The following CD33 variants were observed in gnomAD, a reference collection of about 807,000 sequenced individuals.
The protein encoded by CD33 is CD33 molecule.
A neutral mutation model predicts 31.4 loss-of-function variants in CD33; 25 were observed. The ratio of observed to expected loss-of-function variants is 0.80; its 90% CI spans 0.58 to 1.11. The LOEUF (loss-of-function observed/expected upper bound fraction) is 1.11, where lower values mean the gene tolerates loss of function less well. Among genes scored for constraint, CD33 ranks in the 50% most tolerant of loss-of-function variants. The pLI is 0.00. For missense variants in CD33, 407 were observed against 448.1 expected, an observed-to-expected ratio of 0.91 and a Z score of 0.83; for synonymous variants, 176 against 180.6, an observed-to-expected ratio of 0.97 and a Z score of 0.20.
chr19:51,235,924 C>T (rs1385264595), intron 6 of CD33: 17 of 700,016 alleles, frequency 2.4e-5, no homozygotes, highest in Non-Finnish European at 4.4e-5. Flanking sequence ...CTTTGGAGGC[C>T]AAGGCGGGCG....
In CD33 at chr19:51,239,709, G is replaced by A; in HGVS notation, c.*21G>A. On this transcript the variant is annotated 3_prime_UTR_variant, in exon 7 of 7. Coordinates refer to ENST00000262262, the MANE Select transcript of CD33 (RefSeq NM_001772.4). Reference sequence around the variant, plus strand: ...AGTGAGGAACCCACAAGAGCATCAGGCTCAGCTAGAAGATCCACATCCTCT... The same window carrying A: ...AGTGAGGAACCCACAAGAGCATCAGACTCAGCTAGAAGATCCACATCCTCT... 3 of 1,593,108 alleles carry A rather than the reference G, an allele frequency of 1.9e-6. No individual in the cohort carries two copies. Among genetic ancestry groups the A allele is most frequent in the Middle Eastern group, 2.2e-4 (1 of 4,546 alleles).
the CD33 span, among the ~76,000 whole-genome samples, chr19:51,217,442 C>T: frequency 0.023 from 3,466 of 151,046 alleles, 43 homozygotes; most frequent in African/African-American, 0.037. Flanking sequence ...GACGGAGTCA[C>T]TCTGTTGCCC....
chr19:51,216,308 T>A, the CD33 span, among the ~76,000 whole-genome samples: 1 of 151,458 alleles, frequency 6.6e-6, no homozygotes, highest in Non-Finnish European at 1.5e-5. Flanking sequence ...ATTTATTCAT[T>A]AATCTATAGA....
chr19:51,213,217 T>C, the CD33 span, among the ~76,000 whole-genome samples: 1 of 152,224 alleles, frequency 6.6e-6, no homozygotes, highest in Non-Finnish European at 1.5e-5. Context: ...CAGGTGACAA[T>C]TGTTGTGTCC....
At chr19:51,220,343 T>C (rs1334027363), upstream of CD33, among the ~76,000 whole-genome samples, 1 of 152,248 alleles carries the variant, frequency 6.6e-6, no homozygotes, top group Non-Finnish European at 1.5e-5. Flanking sequence ...GCTAGAAATT[T>C]GAAATCAGTA....
At chr19:51,216,290 G>A in the CD33 span, among the ~76,000 whole-genome samples, 1 of 150,288 alleles carries the variant, frequency 6.7e-6, no homozygotes, top group Non-Finnish European at 1.5e-5. Context: ...ATTGAGGGAA[G>A]GAGTGACATT....
chr19:51,238,388 C>T (rs1863737489), intron 6 of CD33: 1 of 152,112 alleles, frequency 6.6e-6, no homozygotes, highest in African/African-American at 2.4e-5. Flanking sequence ...CTATCAACAT[C>T]CAATAATCGA....
the CD33 span, chr19:51,211,160 G>A: frequency 6.3e-6 from 10 of 1,597,726 alleles, no homozygotes; most frequent in Non-Finnish European, 6.8e-6. Flanking sequence ...ATGGCTGCGG[G>A]GAGAGGGGTT....
chr19:51,239,707 AGG>A lies in CD33; in HGVS notation c.*20_*21del, dbSNP rs201160283. Reference sequence around the variant, plus strand: ...CCAGTGAGGAACCCACAAGAGCATCAGGCTCAGCTAGAAGATCCACATCCTCT... The same window carrying A: ...CCAGTGAGGAACCCACAAGAGCATCACTCAGCTAGAAGATCCACATCCTCT... On this transcript the variant is annotated 3_prime_UTR_variant, in exon 7 of 7. Coordinates refer to ENST00000262262, the MANE Select transcript of CD33 (RefSeq NM_001772.4). The A allele has an allele frequency of 5.0e-6, 8 of 1,592,760 alleles. No individual in the cohort carries two copies. The East Asian group carries it at 1.8e-4, about 36-fold the overall frequency.
At chr19:51,224,701 C>A (rs550011401), upstream of CD33, among the ~76,000 whole-genome samples, 1 of 152,292 alleles carries the variant, frequency 6.6e-6, no homozygotes, top group African/African-American at 2.4e-5. Context: ...CTGGACTAAA[C>A]ACCCCATGGA....
At chr19:51,217,939 T>A in the CD33 span, among the ~76,000 whole-genome samples, 1 of 152,220 alleles carries the variant, frequency 6.6e-6, no homozygotes, top group East Asian at 1.9e-4. Context: ...CAATCATCCA[T>A]GGATAAGCAT....
At position 51,226,451 on chromosome 19, in the gene CD33, C is replaced by A; in HGVS notation, c.745+95C>A. 1.8e-6 allele frequency: 2 copies of A among 1,106,098 alleles called. 1 individual carries two copies. The highest frequency in any genetic ancestry group is 3.4e-5 in the Admixed American group (2 of 58,338). The allele number at this position is 1,106,098 out of a possible 1,614,324, so 68.5% of individuals were successfully genotyped here. A position where few individuals can be genotyped will look rare whatever the true frequency, so the allele number is the denominator to read the frequency against. ...ACTTTCAGAGTCAAATGTTCAGAGG[C>A]AAGGCCTGCAGTTAGACACGGGTAG... On this transcript the variant is annotated intron_variant, in intron 4 of 6. Coordinates refer to ENST00000262262, the MANE Select transcript of CD33 (RefSeq NM_001772.4).
chr19:51,227,474 C>T (rs995826319), intron 4 of CD33, among the ~76,000 whole-genome samples: 2 of 152,224 alleles, frequency 1.3e-5, no homozygotes, highest in South Asian at 2.1e-4. Context: ...TGATTGGTGA[C>T]GTTGAGCATT....
At chr19:51,235,743 T>A in intron 6 of CD33, 67 bp downstream of exon 6, 2 of 1,246,152 alleles carry the variant, frequency 1.6e-6, no homozygotes, top group Non-Finnish European at 2.3e-6. Context: ...TGGCCCACCG[T>A]CATGCCCCAT....
intron 6 of CD33, chr19:51,235,907 C>T (rs1981754130): frequency 1.4e-6 from 1 of 702,234 alleles, no homozygotes; most frequent in Non-Finnish European, 2.6e-6. Context: ...ACCTGCAATC[C>T]CAGCACCTTT....
intron 5 of CD33, 133 bp downstream of exon 5, chr19:51,235,386 C>A: frequency 2.5e-6 from 3 of 1,209,712 alleles, no homozygotes; most frequent in South Asian, 1.4e-5. Context: ...CAGCCTGTGG[C>A]CACTGGGATA....
chr19:51,223,805 G>T (rs1486955813), upstream of CD33, among the ~76,000 whole-genome samples: 1 of 152,146 alleles, frequency 6.6e-6, no homozygotes, highest in Non-Finnish European at 1.5e-5. Flanking sequence ...AGGTGCCAGG[G>T]GAAAATTCTA....
rs765908735 is a variant in CD33 at position 51,225,855 on chromosome 19, C to G, written c.471C>G (p.His157Gln). 6.2e-6 allele frequency: 10 copies of G among 1,613,912 alleles called. 1 individual carries two copies. The highest frequency in any genetic ancestry group is 8.5e-6 in the Non-Finnish European group (10 of 1,179,964). Residue 157 changes from histidine (H) to glutamine (Q), a missense_variant, in exon 3 of 7, where the codon CAC becomes CAG. Coordinates refer to ENST00000262262, the MANE Select transcript of CD33 (RefSeq NM_001772.4). The stretch of plus-strand genomic sequence containing the variant: ...TCCCTGGCACTCTAGAACCCGGCCA[C>G]TCCAAAAACCTGACCTGCTCTGTGT... ...ILIPGTLEPGHSKNLTCSVSW... is the reference protein window; with the variant it reads ...ILIPGTLEPGQSKNLTCSVSW...
rs374899574 is a variant in CD33, at chr19:51,226,014, G to A, written c.630G>A (p.Leu210=). The part of the protein sequence containing the change: ...TPRPQDHGTN[L]TCQVKFAGAG... The stretch of plus-strand genomic sequence containing the variant: ...GGCCCCAGGACCACGGCACCAACCT[G>A]ACCTGTCAGGTGAAGTTCGCTGGAG... Residue 210 remains leucine (L), a synonymous_variant, in exon 3 of 7, where the codon CTG becomes CTA. Transcript: ENST00000262262. The A allele has an allele frequency of 1.2e-6, 2 of 1,613,988 alleles. No homozygotes were observed. Among genetic ancestry groups the A allele is most frequent in the African/African-American group, 2.7e-5 (2 of 74,902 alleles).
Sources: gnomAD v4.1 joint callset for allele counts (sites outside exome capture counted in the v4.1 genomes callset) on GRCh38, gnomAD v4.1.1 for gene constraint, MANE v1.5 for transcripts, NCBI Gene and HGNC (gene_info 2026-07-23, HGNC 2026-07-21) for gene names.